SYPL2: variants seen among roughly 807,000 people sequenced by gnomAD.
The protein encoded by SYPL2 is synaptophysin-like protein 2.
Under a neutral mutation model 31.3 loss-of-function variants are expected in SYPL2, and 24 were observed. The observed-to-expected ratio is 0.77, with a 90% confidence interval of 0.56 to 1.08. SYPL2 has a LOEUF of 1.08. Ranked by LOEUF, SYPL2 falls within the 50% of genes least tolerant of loss-of-function variation. The pLI is 0.00. For synonymous variants in SYPL2, 144 were observed against 143.1 expected (o/e 1.01, Z -0.05); for missense variants, 342 against 360.1 (o/e 0.95, Z 0.41).
chr1:109,467,412 G>A (rs1054526600), intron 2 of SYPL2, among the ~76,000 whole-genome samples: 2 of 152,196 alleles, frequency 1.3e-5, no homozygotes, highest in Non-Finnish European at 2.9e-5. Flanking sequence ...CGGGCGAGAG[G>A]ACCCGGGTGT....
chr1:109,473,217 C>G (rs1655885961), intron 2 of SYPL2, among the ~76,000 whole-genome samples: 1 of 152,296 alleles, frequency 6.6e-6, no homozygotes, highest in East Asian at 1.9e-4. Context: ...TCTTCTCTAC[C>G]TCTGTGAAGA....
At chr1:109,475,135 G>C (rs891347775) in intron 2 of SYPL2, 1 of 153,870 alleles carries the variant, frequency 6.5e-6, no homozygotes, top group South Asian at 2.1e-4. Flanking sequence ...AAGCGTTCTA[G>C]GCATGTCTGA....
rs1656111414 is a variant in SYPL2 at position 109,479,777 on chromosome 1, G to C, written c.*229G>C. On this transcript the variant is annotated 3_prime_UTR_variant, in exon 6 of 6. Transcript: ENST00000369872. ...GAATGGCAGGAGCTCAGTGCTTCTTGTGCAGTGCCTGGACCCAGGTATCTT... is the reference window on the plus strand; with the variant it reads ...GAATGGCAGGAGCTCAGTGCTTCTTCTGCAGTGCCTGGACCCAGGTATCTT... The C allele has an allele frequency of 1.6e-6, 1 of 616,784 alleles. No homozygotes were observed. Among genetic ancestry groups the C allele is most frequent in the South Asian group, 2.2e-5 (1 of 44,854 alleles). The allele number at this position is 616,784 out of a possible 1,614,324, so 38.2% of individuals were successfully genotyped here. A position where few individuals can be genotyped will look rare whatever the true frequency, so the allele number is the denominator to read the frequency against.
At chr1:109,473,781 G>A (rs777431719) in intron 2 of SYPL2, among the ~76,000 whole-genome samples, 3 of 151,922 alleles carry the variant, frequency 2.0e-5, no homozygotes, top group Non-Finnish European at 4.4e-5. Flanking sequence ...TATAGTCCCA[G>A]CTACTCAACA....
rs761126912 is a variant in SYPL2 at position 109,477,801 on chromosome 1, C to T, written c.457-17C>T. ...GGGCCTTTCTGAGTGTATTTCCCAT[C>T]CCTCTGCTCCTCCCAGGACTTCTGT... On this transcript the variant is annotated splice_polypyrimidine_tract_variant and intron_variant, in intron 4 of 5. Transcript: ENST00000369872. 1.9e-6 allele frequency: 3 copies of T among 1,579,856 alleles called. No homozygotes were observed. The highest frequency in any genetic ancestry group is 2.7e-5 in the African/African-American group (2 of 74,410).
rs144583687 is a variant in SYPL2, at chr1:109,479,147, A to G, written c.649-231A>G. Reference sequence around the variant, plus strand: ...GTCAGATTCTGCTAGTGACCAAGCTACAGCTTGGGTGCATGGTGTGGACAG... The same window carrying G: ...GTCAGATTCTGCTAGTGACCAAGCTGCAGCTTGGGTGCATGGTGTGGACAG... On this transcript the variant is annotated intron_variant, in intron 5 of 5. Coordinates refer to ENST00000369872, the MANE Select transcript of SYPL2 (RefSeq NM_001040709.2). 4.8e-3 allele frequency among the ~76,000 whole-genome samples: 736 copies of G among 152,320 alleles called. 6 individuals carry two copies. The highest frequency in any genetic ancestry group is 0.017 in the African/African-American group (716 of 41,566).
chr1:109,474,406 C>T (rs1004225624), intron 2 of SYPL2, among the ~76,000 whole-genome samples: 3 of 147,780 alleles, frequency 2.0e-5, no homozygotes, highest in South Asian at 2.1e-4. Context: ...GGCACGATCT[C>T]GGCTCACTGC....
At chr1:109,475,318 A>G (rs1571063503) in intron 2 of SYPL2, 2 of 340,560 alleles carry the variant, frequency 5.9e-6, no homozygotes, top group Non-Finnish European at 1.1e-5. Flanking sequence ...AGATCTGGCA[A>G]CTGTCCATTT....
intron 2 of SYPL2, among the ~76,000 whole-genome samples, chr1:109,473,454 C>T (rs570619939): frequency 3.0e-4 from 45 of 152,126 alleles, no homozygotes; most frequent in Non-Finnish European, 5.4e-4. Context: ...CGCTGCAAGC[C>T]GGGGGCAGTG....
At chr1:109,471,181 T>A (rs1327835059) in intron 2 of SYPL2, among the ~76,000 whole-genome samples, 3 of 152,010 alleles carry the variant, frequency 2.0e-5, no homozygotes, top group Non-Finnish European at 4.4e-5. Flanking sequence ...CTCTGTGACA[T>A]GAGATGATTG....
At chr1:109,470,610 T>G (rs1256289862) in intron 2 of SYPL2, among the ~76,000 whole-genome samples, 1 of 152,192 alleles carries the variant, frequency 6.6e-6, no homozygotes, top group African/African-American at 2.4e-5. Flanking sequence ...CTACCTCTCC[T>G]TGGCTGCTCT....
At position 109,476,788 on chromosome 1, in the gene SYPL2, C is replaced by T; in HGVS notation, c.267C>T (p.Ile89=). 1 of 1,614,096 alleles carries T rather than the reference C, an allele frequency of 6.2e-7. No homozygotes were observed. Among genetic ancestry groups the T allele is most frequent in the African/African-American group, 1.3e-5 (1 of 75,034 alleles). ...AFGYPFRLHR[I]QYEMPLCDEE... The stretch of plus-strand genomic sequence containing the variant: ...CTGCCACCTGCAGGTTGCACCGGAT[C>T]CAATATGAGATGCCCCTCTGCGATG... Residue 89 remains isoleucine, a synonymous_variant, in exon 4 of 6, where the codon ATC becomes ATT. Coordinates refer to ENST00000369872, the MANE Select transcript of SYPL2 (RefSeq NM_001040709.2).
rs1656105283 is a variant in SYPL2, at chr1:109,479,554, C to G, written c.*6C>G. 1 of 1,610,972 alleles carries G rather than the reference C, an allele frequency of 6.2e-7. No homozygotes were observed. Among genetic ancestry groups the G allele is most frequent in the Non-Finnish European group, 8.5e-7 (1 of 1,177,894 alleles). ...GAGCAGTGGAGAAGCAGTAAGCAGC[C>G]CCCCACCTGGCTATTCCCGAACTGG... On this transcript the variant is annotated 3_prime_UTR_variant, in exon 6 of 6. Transcript: ENST00000369872.
chr1:109,474,323 CTT>C (rs67683974), intron 2 of SYPL2, among the ~76,000 whole-genome samples: 1,585 of 75,348 alleles, frequency 0.021, 28 homozygotes, highest in African/African-American at 0.084. Context: ...CTTTTCTTTT[CTT>C]TTTTTTTTTT....
intron 2 of SYPL2, among the ~76,000 whole-genome samples, chr1:109,474,155 A>T (rs115616178): frequency 2.0e-5 from 3 of 152,328 alleles, no homozygotes; most frequent in Admixed American, 6.5e-5. Context: ...TCTCGAAGAA[A>T]GATACAGAGA....
At chr1:109,469,905 T>C (rs1055874010) in intron 2 of SYPL2, among the ~76,000 whole-genome samples, 10 of 149,588 alleles carry the variant, frequency 6.7e-5, no homozygotes, top group African/African-American at 1.5e-4. Flanking sequence ...TGAGGTCAGA[T>C]AGGCTTCGGT....
At chr1:109,467,205 A>G (rs1319611351) in intron 2 of SYPL2, 72 bp downstream of exon 2, 10 of 729,450 alleles carry the variant, frequency 1.4e-5, no homozygotes, top group Non-Finnish European at 1.8e-5. Flanking sequence ...CAATGGAGCC[A>G]GGGTGGGGGC....
At chr1:109,475,465 C>T (rs982450282) in intron 2 of SYPL2, 116 bp from the exon 3 acceptor site, 1 of 1,370,392 alleles carries the variant, frequency 7.3e-7, no homozygotes, top group Non-Finnish European at 9.8e-7. Context: ...TAAAGGGGAT[C>T]CTCACTCTCC....
In SYPL2 at chr1:109,479,363, C is replaced by T; in HGVS notation, c.649-15C>T. ...CCCCTGACTATTCTCACAAATTCCC[C>T]TGATGTCTTTGCAGCTCTTTGGCTT... On this transcript the variant is annotated splice_polypyrimidine_tract_variant and intron_variant, in intron 5 of 5. Transcript: ENST00000369872. 1 of 1,613,386 alleles carries T rather than the reference C, an allele frequency of 6.2e-7. No homozygotes were observed. Among genetic ancestry groups the T allele is most frequent in the Non-Finnish European group, 8.5e-7 (1 of 1,179,388 alleles).
Sources: gnomAD v4.1 joint callset for allele counts (sites outside exome capture counted in the v4.1 genomes callset) on GRCh38, gnomAD v4.1.1 for gene constraint, MANE v1.5 for transcripts, NCBI Gene and HGNC (gene_info 2026-07-23, HGNC 2026-07-21) for gene names.